Variants in RAB3GAP1 observed in about 807,000 individuals in gnomAD.
The protein encoded by RAB3GAP1 is RAB3 GTPase activating protein catalytic subunit 1.
A neutral mutation model predicts 130.7 loss-of-function variants in RAB3GAP1; 86 were observed. The ratio of observed to expected loss-of-function variants is 0.66; its 90% CI spans 0.55 to 0.79. RAB3GAP1 has a LOEUF of 0.79. RAB3GAP1 is among the 30% of genes least tolerant of loss of function. The pLI, the probability that RAB3GAP1 is intolerant of heterozygous loss-of-function variation, is 0.00. For synonymous variants in RAB3GAP1, 367 were observed against 401.7 expected (o/e 0.91, Z 1.03); for missense variants, 1,029 against 1,169.4 (o/e 0.88, Z 1.75).
chr2:135,112,834 TCACACACACACA>T (rs200860381), intron 5 of RAB3GAP1, among the ~76,000 whole-genome samples: 6 of 132,372 alleles, frequency 4.5e-5, no homozygotes, highest in Non-Finnish European at 9.4e-5. Flanking sequence ...TCTCTCTCTC[TCACACACACACA>T]CACACACACA....
intron 3 of RAB3GAP1, among the ~76,000 whole-genome samples, chr2:135,059,692 T>TC (rs1465245117): frequency 6.6e-6 from 1 of 152,144 alleles, no homozygotes; most frequent in East Asian, 1.9e-4. Flanking sequence ...CTAAAGTCAC[T>TC]CTAAGGGTTA....
Position 135,061,908 on chromosome 2 carries a change from C to G in RAB3GAP1, c.150+3822C>G, listed in dbSNP as rs191936117. Among the ~76,000 whole-genome samples, 580 of 152,228 alleles carry G rather than the reference C, an allele frequency of 3.8e-3. 3 individuals are homozygous for G. Among genetic ancestry groups the G allele is most frequent in the Middle Eastern group, 0.01 (3 of 294 alleles). ...GTTCTAGAACCTACTTTGGAAAACACTTTTTCCATTGAGTTGCTTTGTCAC... is the reference window on the plus strand; with the variant it reads ...GTTCTAGAACCTACTTTGGAAAACAGTTTTTCCATTGAGTTGCTTTGTCAC... On this transcript the variant is annotated intron_variant, in intron 3 of 23. Transcript: ENST00000264158.
chr2:135,127,938 C>G (rs1319400491), intron 11 of RAB3GAP1, among the ~76,000 whole-genome samples: 1 of 151,856 alleles, frequency 6.6e-6, no homozygotes, highest in Non-Finnish European at 1.5e-5. Flanking sequence ...CATCTTTTTC[C>G]TCCTTATATT....
intron 17 of RAB3GAP1, among the ~76,000 whole-genome samples, chr2:135,143,418 G>A (rs563262027): frequency 6.6e-6 from 1 of 151,958 alleles, no homozygotes; most frequent in African/African-American, 2.4e-5. Context: ...TTTCTCTGTT[G>A]ATTTTGTTTT....
chr2:135,168,922 G>A lies in RAB3GAP1; in HGVS notation c.*141G>A. The stretch of plus-strand genomic sequence containing the variant: ...TCAGGAATCAAACCAGCATCGGAAA[G>A]ACTTCCCAGCACCAAGCTTGAGCTG... On this transcript the variant is annotated 3_prime_UTR_variant, in exon 24 of 24. Coordinates refer to ENST00000264158, the MANE Select transcript of RAB3GAP1 (RefSeq NM_012233.3). The A allele has an allele frequency of 1.3e-6, 1 of 780,120 alleles. No individual in the cohort carries two copies. Among genetic ancestry groups the A allele is most frequent in the Non-Finnish European group, 2.2e-6 (1 of 445,360 alleles). 48.3% of individuals were successfully genotyped at this position (780,120 alleles called of 1,614,324 possible).
At chr2:135,056,874 A>G (rs1022456656) in intron 2 of RAB3GAP1, among the ~76,000 whole-genome samples, 1 of 152,198 alleles carries the variant, frequency 6.6e-6, no homozygotes, top group African/African-American at 2.4e-5. Context: ...TTATTAGTTC[A>G]TATTAGTTCA....
chr2:135,166,166 C>CAA (rs199588862), intron 23 of RAB3GAP1, among the ~76,000 whole-genome samples: 4 of 102,774 alleles, frequency 3.9e-5, no homozygotes, highest in East Asian at 2.6e-4. Flanking sequence ...AACTCCATCT[C>CAA]AAAAAAAAAA....
intron 17 of RAB3GAP1, among the ~76,000 whole-genome samples, chr2:135,146,796 T>G (rs1692005840): frequency 6.6e-6 from 1 of 152,208 alleles, no homozygotes; most frequent in African/African-American, 2.4e-5. Context: ...ACGTATTGTA[T>G]GTATCAATAG....
chr2:135,144,165 G>T (rs950626519), intron 17 of RAB3GAP1, among the ~76,000 whole-genome samples: 18 of 152,186 alleles, frequency 1.2e-4, no homozygotes, highest in Admixed American at 1.2e-3. Flanking sequence ...GTTACAGCTT[G>T]TACCCACATT....
chr2:135,167,809 G>T, intron 23 of RAB3GAP1: 1 of 1,088,526 alleles, frequency 9.2e-7, no homozygotes, highest in Admixed American at 2.6e-5. Flanking sequence ...CTCACAGTCT[G>T]GATTTGGCTT....
chr2:135,166,100 A>G (rs1293555759), intron 23 of RAB3GAP1, among the ~76,000 whole-genome samples: 1 of 151,846 alleles, frequency 6.6e-6, no homozygotes, highest in East Asian at 1.9e-4. Flanking sequence ...TGAACCCGAG[A>G]GGCAGAGGTT....
At chr2:135,136,604 G>T in intron 17 of RAB3GAP1, 1 of 588,392 alleles carries the variant, frequency 1.7e-6, no homozygotes, top group South Asian at 2.1e-5. Flanking sequence ...TGAATGCTCA[G>T]ATGTTTAAAA....
intron 19 of RAB3GAP1, among the ~76,000 whole-genome samples, chr2:135,155,794 A>T (rs1692294880): frequency 6.6e-6 from 1 of 152,148 alleles, no homozygotes; most frequent in Non-Finnish European, 1.5e-5. Context: ...ATTCCTAACT[A>T]AAAACCCTAG....
At chr2:135,166,855 C>T (rs16831380) in intron 23 of RAB3GAP1, among the ~76,000 whole-genome samples, 6,394 of 152,170 alleles carry the variant, frequency 0.042, 156 homozygotes, top group African/African-American at 0.056. Context: ...CTTTCAGTAG[C>T]CTCATTGTAT....
intron 17 of RAB3GAP1, among the ~76,000 whole-genome samples, chr2:135,149,753 A>G (rs1692116738): frequency 6.6e-6 from 1 of 152,096 alleles, no homozygotes; most frequent in Non-Finnish European, 1.5e-5. Context: ...TCCTGGGTTC[A>G]CGCCATTCTC....
intron 4 of RAB3GAP1, 135 bp downstream of exon 4, chr2:135,091,265 ATC>A (rs1350132152): frequency 5.3e-6 from 4 of 751,040 alleles, no homozygotes; most frequent in Non-Finnish European, 8.6e-6. Context: ...GTTTCACCAC[ATC>A]TGAGGTAGAG....
At chr2:135,155,863 G>A (rs1414104493) in intron 19 of RAB3GAP1, among the ~76,000 whole-genome samples, 1 of 151,720 alleles carries the variant, frequency 6.6e-6, no homozygotes, top group East Asian at 1.9e-4. Context: ...AGAGTGTAGA[G>A]AACACAAAAC....
intron 3 of RAB3GAP1, among the ~76,000 whole-genome samples, chr2:135,078,110 T>C (rs895649255): frequency 6.6e-6 from 1 of 152,208 alleles, no homozygotes; most frequent in South Asian, 2.1e-4. Flanking sequence ...CAAGAAATAA[T>C]TGCAAATTCA....
chr2:135,099,243 A>G (rs1690383903), intron 5 of RAB3GAP1, among the ~76,000 whole-genome samples: 1 of 152,156 alleles, frequency 6.6e-6, no homozygotes, highest in African/African-American at 2.4e-5. Flanking sequence ...TTTATTATGA[A>G]TGGATGTTGA....
Sources: allele counts gnomAD v4.1 joint callset (sites outside exome capture counted in the v4.1 genomes callset), GRCh38; gene constraint gnomAD v4.1.1; transcripts MANE v1.5; gene names NCBI Gene and HGNC (gene_info 2026-07-23, HGNC 2026-07-21).